NEB: variants seen among roughly 807,000 people sequenced by gnomAD.
The protein encoded by NEB is nemaline myopathy type 2.
In NEB, 512 loss-of-function variants were observed where a neutral mutation model predicts 952.2. The observed-to-expected ratio is 0.54, with a 90% CI of 0.50 to 0.58. The LOEUF (loss-of-function observed/expected upper bound fraction) is 0.58. NEB is among the 20% of genes least tolerant of loss of function. The pLI, the probability that NEB is intolerant of heterozygous loss-of-function variation, is 0.00. For missense variants in NEB, 8,428 were observed against 9,231.1 expected, an observed-to-expected ratio of 0.91 and a Z score of 3.56; for synonymous variants, 2,900 against 3,149.8, an observed-to-expected ratio of 0.92 and a Z score of 2.66.
In NEB at chr2:151,697,667, T is replaced by C; in HGVS notation, c.1153-19A>G. The C allele has an allele frequency of 6.5e-7, 1 of 1,536,290 alleles. No individual in the cohort carries two copies. Among genetic ancestry groups the C allele is most frequent in the South Asian group, 1.2e-5 (1 of 84,972 alleles). On this transcript the variant is annotated intron_variant, in intron 13 of 181. Coordinates refer to ENST00000397345, the MANE Select transcript of NEB (RefSeq NM_001164508.2). Reference sequence around the variant, plus strand: ...ATAGTTTCTGTCAAAGAAAAAAAATTCAGTTAAAGTAGATTCCTGTCACTC... The same window carrying C: ...ATAGTTTCTGTCAAAGAAAAAAAATCCAGTTAAAGTAGATTCCTGTCACTC...
chr2:151,680,148 T>G (rs2099403503), intron 30 of NEB, 126 bp from the exon 31 acceptor site: 1 of 719,842 alleles, frequency 1.4e-6, no homozygotes, highest in Non-Finnish European at 2.4e-6. Flanking sequence ...TCTTTGTGCA[T>G]TTGCATATTC....
rs77544031 is a variant in NEB at position 151,553,196 on chromosome 2, C to T, written c.19731+202G>A. 1.0e-3 allele frequency among the ~76,000 whole-genome samples: 158 copies of T among 152,202 alleles called. 1 individual carries two copies. Among genetic ancestry groups the T allele is most frequent in the African/African-American group, 3.0e-3 (125 of 41,488 alleles). On this transcript the variant is annotated intron_variant, in intron 127 of 181. Coordinates refer to ENST00000397345, the MANE Select transcript of NEB (RefSeq NM_001164508.2). ...TGCTGGTCCCTTCTCCACCAGAGGA[C>T]GATGGCACACCTGGACTGCAGTTTA...
intron 49 of NEB, 28 bp downstream of exon 49, chr2:151,656,125 C>A: frequency 6.4e-7 from 1 of 1,574,700 alleles, no homozygotes; most frequent in Non-Finnish European, 8.6e-7. Context: ...AGGATTCCAA[C>A]CATCACCCAA....
chr2:151,649,124 G>T (rs2098999502), intron 54 of NEB, among the ~76,000 whole-genome samples: 1 of 152,102 alleles, frequency 6.6e-6, no homozygotes, highest in Admixed American at 6.6e-5. Flanking sequence ...TCCAACAAGG[G>T]GGAAACATTT....
intron 24 of NEB, 170 bp downstream of exon 24, chr2:151,690,557 A>G (rs1256555953): frequency 3.4e-6 from 2 of 596,994 alleles, no homozygotes; most frequent in Non-Finnish European, 6.1e-6. Context: ...AACTTTCCTC[A>G]GGCTGCAATT....
At chr2:151,503,556 T>TAA in intron 165 of NEB, 115 bp from the exon 166 acceptor site, 2 of 660,636 alleles carry the variant, frequency 3.0e-6, no homozygotes, top group Non-Finnish European at 5.3e-6. Context: ...CTCTCAAATA[T>TAA]AACATTCAAG....
intron 121 of NEB, 47 bp downstream of exon 121, chr2:151,562,063 A>G: frequency 6.9e-7 from 1 of 1,452,848 alleles, no homozygotes; most frequent in Non-Finnish European, 9.7e-7. Context: ...ACCACCATGG[A>G]TTCTGATGAC....
intron 73 of NEB, among the ~76,000 whole-genome samples, chr2:151,618,722 T>C (rs2098290543): frequency 6.6e-6 from 1 of 152,194 alleles, no homozygotes. Context: ...GACATGGTCC[T>C]GCCTATGACA....
intron 4 of NEB, among the ~76,000 whole-genome samples, chr2:151,729,156 G>A (rs2099799517): frequency 6.6e-6 from 1 of 152,160 alleles, no homozygotes; most frequent in Non-Finnish European, 1.5e-5. Flanking sequence ...GCATTTCAAT[G>A]CATCATCAGG....
intron 142 of NEB, chr2:151,534,357 A>T (rs2092624108): frequency 6.4e-7 from 1 of 1,554,674 alleles, no homozygotes; most frequent in Non-Finnish European, 8.9e-7. Flanking sequence ...CAAGAGTACA[A>T]CTTCAAGGCT....
intron 181 of NEB, 81 bp from the exon 182 acceptor site, chr2:151,486,014 A>T: frequency 1.4e-6 from 2 of 1,404,924 alleles, no homozygotes. Flanking sequence ...AAGATCTCTC[A>T]TGACTGACTC....
In NEB at chr2:151,535,752, T is replaced by C. The variant is rs1275246740; in HGVS notation, c.21251A>G (p.Lys7084Arg). ...ATTGATCGGAGAGTCGGCAACATAC[T>C]TGAAATCTGACTTTGTCCTTTCAAA... ...EVFERTKSDF[K>R]YVADSPINRH... Residue 7084 changes from lysine (K) to arginine (R), a missense_variant, in exon 142 of 182, where the codon AAG becomes AGG. By Grantham distance (26) the Lys-to-Arg change is conservative. Coordinates refer to ENST00000397345, the MANE Select transcript of NEB (RefSeq NM_001164508.2). 5 of 1,608,390 alleles carry C rather than the reference T, an allele frequency of 3.1e-6. No homozygotes were observed. Among genetic ancestry groups the C allele is most frequent in the South Asian group, 1.1e-5 (1 of 89,926 alleles).
intron 172 of NEB, 34 bp downstream of exon 172, chr2:151,496,907 A>T: frequency 6.6e-7 from 1 of 1,505,176 alleles, no homozygotes; most frequent in Non-Finnish European, 9.0e-7. Context: ...TTTTAAAATC[A>T]GTAAGTAGTT....
chr2:151,708,016 G>A (rs781149806), intron 12 of NEB, among the ~76,000 whole-genome samples: 14 of 152,144 alleles, frequency 9.2e-5, no homozygotes, highest in Non-Finnish European at 1.6e-4. Flanking sequence ...CCGCATCTGG[G>A]ATACACAGCC....
chr2:151,561,204 G>T lies in NEB; in HGVS notation c.19101+4C>A. 3.1e-6 allele frequency: 5 copies of T among 1,600,920 alleles called. No homozygotes were observed. The highest frequency in any genetic ancestry group is 4.3e-6 in the Non-Finnish European group (5 of 1,171,568). On this transcript the variant is annotated splice_donor_region_variant and intron_variant, in intron 122 of 181. Transcript: ENST00000397345. Reference sequence around the variant, plus strand: ...CCCTGGAAGAGGAGTACAGGAAGACGCACCTCACTGGCATTAATGCCACTC... The same window carrying T: ...CCCTGGAAGAGGAGTACAGGAAGACTCACCTCACTGGCATTAATGCCACTC...
In NEB at chr2:151,557,342, C is replaced by T. The variant is rs555969077; in HGVS notation, c.19315-2298G>A. ...GGAAGAAGTCGAATCCCTGAATAGG[C>T]CAATAACAAGTTCTGAAATTGAGGC... On this transcript the variant is annotated intron_variant, in intron 124 of 181. Coordinates refer to ENST00000397345, the MANE Select transcript of NEB (RefSeq NM_001164508.2). Among the ~76,000 whole-genome samples, 34 of 152,278 alleles carry T rather than the reference C, an allele frequency of 2.2e-4. 1 individual carries two copies. In the East Asian group the frequency reaches 6.6e-3, roughly 29 times the overall value.
Position 151,561,012 on chromosome 2 carries a change from A to G in NEB, c.19198T>C (p.Tyr6400His), listed in dbSNP as rs765594668. The G allele has an allele frequency of 4.4e-6, 7 of 1,601,862 alleles. No individual in the cohort carries two copies. In the South Asian group the frequency reaches 5.5e-5, roughly 13 times the overall value. The change falls in exon 123 of 182, where the codon TAC (tyrosine) becomes CAC (histidine). Residue 6400 changes from tyrosine (Y) to histidine (H), a missense_variant. Coordinates refer to ENST00000397345, the MANE Select transcript of NEB (RefSeq NM_001164508.2). ...YDRTRNLKNLYSSNLYKEAWD... is the reference protein window; with the variant it reads ...YDRTRNLKNLHSSNLYKEAWD... ...AAAAAAACTCAACTCACACTGCTGT[A>G]AAGATTCTTCAGGTTTCTGGTTCTG... is the stretch of plus-strand genomic sequence containing the variant.
intron 81 of NEB, among the ~76,000 whole-genome samples, 163 bp downstream of exon 81, chr2:151,609,646 A>T (rs929673281): frequency 2.0e-5 from 3 of 152,242 alleles, no homozygotes; most frequent in Admixed American, 1.3e-4. Context: ...AGAAGTTACT[A>T]CTAAAGATGG....
intron 170 of NEB, 58 bp downstream of exon 170, chr2:151,498,202 A>G: frequency 6.5e-7 from 1 of 1,549,168 alleles, no homozygotes; most frequent in Non-Finnish European, 8.7e-7. Flanking sequence ...AAATAAATGT[A>G]AAGATCAGTT....
Sources: allele counts gnomAD v4.1 joint callset (sites outside exome capture counted in the v4.1 genomes callset), GRCh38; gene constraint gnomAD v4.1.1; transcripts MANE v1.5; gene names NCBI Gene and HGNC (gene_info 2026-07-23, HGNC 2026-07-21).